PKNOX2: variants seen among roughly 807,000 people sequenced by gnomAD.
The protein encoded by PKNOX2 is homeobox protein PKNOX2.
A neutral mutation model predicts 53.1 loss-of-function variants in PKNOX2; 14 were observed. That is an observed-to-expected ratio of 0.26 (90% CI 0.17 to 0.41). The LOEUF (loss-of-function observed/expected upper bound fraction) is 0.41. Ranked by LOEUF, PKNOX2 falls within the 10% of genes least tolerant of loss-of-function variation. The pLI is 1.00. For synonymous variants in PKNOX2, 257 were observed against 242.8 expected, an observed-to-expected ratio of 1.06 and a Z score of -0.54; for missense variants, 496 against 602.8, an observed-to-expected ratio of 0.82 and a Z score of 1.85.
chr11:125,176,801 G>T (rs542104012), intron 1 of PKNOX2, among the ~76,000 whole-genome samples: 35 of 152,334 alleles, frequency 2.3e-4, no homozygotes, highest in African/African-American at 8.4e-4. Context: ...CCAGGAGAAT[G>T]CTGCCAGGGA....
chr11:125,328,913 A>T (rs1462631364), intron 2 of PKNOX2, among the ~76,000 whole-genome samples: 1 of 152,242 alleles, frequency 6.6e-6, no homozygotes, highest in Non-Finnish European at 1.5e-5. Context: ...TGCTGATAGG[A>T]TGTAAATGGG....
intron 2 of PKNOX2, among the ~76,000 whole-genome samples, chr11:125,268,044 AC>A (rs1442169558): frequency 6.6e-6 from 1 of 152,200 alleles, no homozygotes; most frequent in Non-Finnish European, 1.5e-5. Context: ...AACTTTGCCA[AC>A]AACTCTCCTC....
intron 2 of PKNOX2, among the ~76,000 whole-genome samples, chr11:125,236,543 C>T (rs1490195104): frequency 1.3e-5 from 2 of 152,152 alleles, no homozygotes; most frequent in Non-Finnish European, 2.9e-5. Flanking sequence ...GGGAAATAGG[C>T]CTGCGCATCC....
chr11:125,190,101 T>C (rs971612706), intron 1 of PKNOX2: 2 of 152,178 alleles, frequency 1.3e-5, no homozygotes, highest in Non-Finnish European at 2.9e-5. Context: ...AATTTTTTTA[T>C]TTTTAGTAGA....
At chr11:125,269,508 A>G (rs1195294652) in intron 2 of PKNOX2, among the ~76,000 whole-genome samples, 1 of 152,210 alleles carries the variant, frequency 6.6e-6, no homozygotes, top group Non-Finnish European at 1.5e-5. Flanking sequence ...GCTACAATTA[A>G]TGCCAGGGCT....
intron 2 of PKNOX2, chr11:125,266,543 CTT>C (rs1236606250): frequency 1.3e-5 from 2 of 152,144 alleles, no homozygotes; most frequent in African/African-American, 2.4e-5. Context: ...GTGAAAATAA[CTT>C]TTTAAAAATA....
At chr11:125,423,856 G>A (rs7128568) in intron 10 of PKNOX2, among the ~76,000 whole-genome samples, 6,940 of 152,252 alleles carry the variant, frequency 0.046, 473 homozygotes, top group African/African-American at 0.15. Context: ...AGAAACCAGA[G>A]GGAAAGAGAA....
chr11:125,391,010 T>G (rs2135415432), intron 6 of PKNOX2, among the ~76,000 whole-genome samples: 1 of 152,342 alleles, frequency 6.6e-6, no homozygotes, highest in East Asian at 1.9e-4. Context: ...GATTTGAGCA[T>G]TGGCAGGCAC....
intron 2 of PKNOX2, among the ~76,000 whole-genome samples, chr11:125,297,480 G>T (rs1180820538): frequency 6.6e-6 from 1 of 152,242 alleles, no homozygotes; most frequent in Non-Finnish European, 1.5e-5. Context: ...TCATTAGTCT[G>T]ACAGCATGAG....
Position 125,281,956 on chromosome 11 carries a change from G to A in PKNOX2, c.-130+46841G>A, listed in dbSNP as rs147711244. ...AAAAAAGACCATCGTTCCAAGTGGA[G>A]AGGGCTGACATTCGAGTTACTCAAA... On this transcript the variant is annotated intron_variant, in intron 2 of 12. Coordinates refer to ENST00000298282, the MANE Select transcript of PKNOX2 (RefSeq NM_001382323.2). 2.1e-3 allele frequency among the ~76,000 whole-genome samples: 314 copies of A among 152,326 alleles called. 2 individuals carry two copies. Among genetic ancestry groups the A allele is most frequent in the Admixed American group, 4.2e-3 (65 of 15,302 alleles).
At chr11:125,312,173 G>A (rs1335933142) in intron 2 of PKNOX2, among the ~76,000 whole-genome samples, 1 of 152,200 alleles carries the variant, frequency 6.6e-6, no homozygotes, top group Non-Finnish European at 1.5e-5. Flanking sequence ...AGCTAGATGA[G>A]GGCACTGCTT....
rs182096823 is a variant in PKNOX2 at position 125,404,982 on chromosome 11, G to A, written c.589-5214G>A. Among the ~76,000 whole-genome samples, 744 of 152,336 alleles carry A rather than the reference G, an allele frequency of 4.9e-3. 4 individuals are homozygous for A. The highest frequency in any genetic ancestry group is 0.017 in the African/African-American group (710 of 41,572). ...ACCCGCCCCGAGCCCAGGCAGGGGA[G>A]CCGCCAGCACGCGCCTTCTGGGAGG... On this transcript the variant is annotated intron_variant, in intron 7 of 12. Coordinates refer to ENST00000298282, the MANE Select transcript of PKNOX2 (RefSeq NM_001382323.2).
intron 1 of PKNOX2, among the ~76,000 whole-genome samples, chr11:125,226,422 C>T (rs551114245): frequency 2.8e-4 from 43 of 152,278 alleles, no homozygotes; most frequent in African/African-American, 9.1e-4. Flanking sequence ...ACTGCTACCA[C>T]CTTAAGGTTC....
At chr11:125,299,457 G>A (rs1212607555) in intron 2 of PKNOX2, among the ~76,000 whole-genome samples, 4 of 151,482 alleles carry the variant, frequency 2.6e-5, no homozygotes, top group Admixed American at 1.3e-4. Context: ...GTGGAGAAAT[G>A]GAGAGCTGAC....
chr11:125,252,654 G>A (rs1944094214), intron 2 of PKNOX2, among the ~76,000 whole-genome samples: 1 of 152,050 alleles, frequency 6.6e-6, no homozygotes, highest in African/African-American at 2.4e-5. Context: ...TGAGTGGTGG[G>A]GTCCTGAAAA....
At chr11:125,178,609 G>GGAAGGAAGGAAAGAAAGAAA (rs1555108355) in intron 1 of PKNOX2, among the ~76,000 whole-genome samples, 2 of 46,258 alleles carry the variant, frequency 4.3e-5, no homozygotes, top group Non-Finnish European at 3.8e-5. Flanking sequence ...AAGGAAGGAA[G>GGAAGGAAGGAAAGAAAGAAA]GAAAGAAAGA....
intron 1 of PKNOX2, among the ~76,000 whole-genome samples, chr11:125,189,441 G>GTATA (rs1956706529): frequency 5.2e-5 from 3 of 57,950 alleles, no homozygotes; most frequent in African/African-American, 1.6e-4. Flanking sequence ...GTGTGTGTGT[G>GTATA]TGTGTGTATA....
intron 2 of PKNOX2, among the ~76,000 whole-genome samples, chr11:125,262,880 T>C (rs968493231): frequency 2.0e-5 from 3 of 152,172 alleles, no homozygotes; most frequent in Non-Finnish European, 4.4e-5. Flanking sequence ...CCTCTCTGTG[T>C]CCCTCTTTCT....
chr11:125,179,107 A>G (rs1236900474), intron 1 of PKNOX2, among the ~76,000 whole-genome samples: 2 of 152,148 alleles, frequency 1.3e-5, no homozygotes, highest in Admixed American at 6.5e-5. Flanking sequence ...CCTGGGCTCA[A>G]TGAACAGAAG....
Sources: allele counts gnomAD v4.1 joint callset (sites outside exome capture counted in the v4.1 genomes callset), GRCh38; gene constraint gnomAD v4.1.1; transcripts MANE v1.5; gene names NCBI Gene and HGNC (gene_info 2026-07-23, HGNC 2026-07-21).